GPC5: variants seen among roughly 807,000 people sequenced by gnomAD.
GPC5 encodes the protein glypican 5.
Under a neutral mutation model 53.9 loss-of-function variants are expected in GPC5, and 47 were observed. That is an observed-to-expected ratio of 0.87 (90% CI 0.69 to 1.11). The LOEUF (loss-of-function observed/expected upper bound fraction) is 1.11. Ranked by LOEUF, GPC5 falls within the 50% of genes most tolerant of loss-of-function variation. The probability of loss-of-function intolerance (pLI) is 0.00; values close to 1 mark genes in which losing one functional copy is unlikely to be tolerated. For synonymous variants in GPC5, 286 were observed against 263.3 expected (o/e 1.09, Z -0.84); for missense variants, 748 against 713.1 (o/e 1.05, Z -0.56).
At chr13:92,782,926 G>A (rs1390380342) in intron 7 of GPC5, among the ~76,000 whole-genome samples, 1 of 152,136 alleles carries the variant, frequency 6.6e-6, no homozygotes, top group Non-Finnish European at 1.5e-5. Flanking sequence ...TTTACAAAGA[G>A]TGGAAAATAG....
intron 7 of GPC5, among the ~76,000 whole-genome samples, chr13:92,413,570 T>C (rs1274320785): frequency 2.0e-5 from 3 of 152,154 alleles, no homozygotes; most frequent in African/African-American, 7.2e-5. Flanking sequence ...ATTGGTGGAA[T>C]GGGTGAGGGA....
chr13:91,472,975 T>C (rs967535876), intron 2 of GPC5, among the ~76,000 whole-genome samples: 1 of 152,070 alleles, frequency 6.6e-6, no homozygotes, highest in African/African-American at 2.4e-5. Context: ...CAAGACTGGG[T>C]AATTTATAAA....
chr13:91,508,788 A>T (rs1056624410), intron 2 of GPC5, among the ~76,000 whole-genome samples: 8 of 152,100 alleles, frequency 5.3e-5, no homozygotes, highest in African/African-American at 1.4e-4. Context: ...AATGTAAAAA[A>T]CTCTATGTCA....
intron 6 of GPC5, among the ~76,000 whole-genome samples, chr13:92,078,917 TAC>T (rs2041273491): frequency 6.6e-6 from 1 of 152,178 alleles, no homozygotes; most frequent in Non-Finnish European, 1.5e-5. Flanking sequence ...TTTTTGTCAA[TAC>T]ACAAACACCT....
chr13:92,410,286 G>A (rs1202056649), intron 7 of GPC5, among the ~76,000 whole-genome samples: 1 of 152,172 alleles, frequency 6.6e-6, no homozygotes, highest in Non-Finnish European at 1.5e-5. Flanking sequence ...CAGGGGCACA[G>A]ATGACAGTTG....
rs547597180 is a variant in GPC5, at chr13:92,298,293, G to A, written c.1561+153304G>A. On this transcript the variant is annotated intron_variant, in intron 7 of 7. Transcript: ENST00000377067. ...TACGGCTTTCCTCCTTCCCCTGACT[G>A]TGGATTCTGCACGCCAGATTCATGC... 5.9e-5 allele frequency among the ~76,000 whole-genome samples: 9 copies of A among 152,252 alleles called. No individual in the cohort carries two copies. In the South Asian group the frequency reaches 1.9e-3, roughly 32 times the overall value.
chr13:92,824,137 T>C (rs1877765548), intron 7 of GPC5, among the ~76,000 whole-genome samples: 1 of 152,090 alleles, frequency 6.6e-6, no homozygotes. Flanking sequence ...CTTCATTTGC[T>C]TCCTGAAAAC....
At chr13:91,823,675 T>G (rs1477276948) in intron 5 of GPC5, among the ~76,000 whole-genome samples, 1 of 152,094 alleles carries the variant, frequency 6.6e-6, no homozygotes, top group Admixed American at 6.6e-5. Context: ...CTCTTAAAAA[T>G]TATGACCCAA....
chr13:91,966,146 A>G (rs1040217250), intron 6 of GPC5, among the ~76,000 whole-genome samples: 15 of 152,182 alleles, frequency 9.9e-5, no homozygotes, highest in African/African-American at 3.6e-4. Flanking sequence ...GCTCAGCAAT[A>G]TGTTACCAGA....
chr13:92,667,839 A>T (rs994486589), intron 7 of GPC5, among the ~76,000 whole-genome samples: 2 of 152,186 alleles, frequency 1.3e-5, no homozygotes, highest in Non-Finnish European at 2.9e-5. Context: ...TTTACCTAAA[A>T]GCCAGTTCAT....
intron 2 of GPC5, among the ~76,000 whole-genome samples, chr13:91,669,804 T>C (rs2035202435): frequency 6.6e-6 from 1 of 152,190 alleles, no homozygotes; most frequent in African/African-American, 2.4e-5. Context: ...AGGCTCAAAA[T>C]TCTATAGTTA....
At chr13:92,361,762 C>G (rs1170965862) in intron 7 of GPC5, among the ~76,000 whole-genome samples, 1 of 151,634 alleles carries the variant, frequency 6.6e-6, no homozygotes, top group Non-Finnish European at 1.5e-5. Flanking sequence ...AGCCAAATAT[C>G]TGGCTCAAGA....
intron 7 of GPC5, among the ~76,000 whole-genome samples, chr13:92,350,715 A>G (rs146563717): frequency 3.0e-4 from 45 of 152,334 alleles, no homozygotes; most frequent in African/African-American, 9.1e-4. Flanking sequence ...GTTTGAGAGC[A>G]TAAGTATATT....
chr13:92,148,381 A>T (rs919306792), intron 7 of GPC5, among the ~76,000 whole-genome samples: 1 of 152,070 alleles, frequency 6.6e-6, no homozygotes, highest in Non-Finnish European at 1.5e-5. Flanking sequence ...CGTACCTTTT[A>T]GGTGTCATTT....
At chr13:91,890,469 A>T (rs1328243054) in intron 5 of GPC5, among the ~76,000 whole-genome samples, 1 of 152,108 alleles carries the variant, frequency 6.6e-6, no homozygotes, top group Non-Finnish European at 1.5e-5. Flanking sequence ...TGTTGGTCTG[A>T]TCTCACATTG....
At chr13:91,860,472 G>GCCTT (rs759443247) in intron 5 of GPC5, among the ~76,000 whole-genome samples, 8 of 138,670 alleles carry the variant, frequency 5.8e-5, no homozygotes, top group African/African-American at 1.6e-4. Flanking sequence ...CTTCCTTCCT[G>GCCTT]CCTTCCTTCC....
rs372426651 is a variant in GPC5 at position 92,646,929 on chromosome 13, C to CGTGTGTGTGTGTGTGTGTGT, written c.1562-219353_1562-219352insGTGTGTGTGTGTGTGTGTGT. On this transcript the variant is annotated intron_variant, in intron 7 of 7. Transcript: ENST00000377067. ...ACATATATATGTAAATATATATAAACATGTGTGTGTGTGTGTGTGTGTGTG... is the reference window on the plus strand; with the variant it reads ...ACATATATATGTAAATATATATAAACGTGTGTGTGTGTGTGTGTGTATGTGTGTGTGTGTGTGTGTGTGTG... 2.2e-5 allele frequency among the ~76,000 whole-genome samples: 3 copies of CGTGTGTGTGTGTGTGTGTGT among 135,096 alleles called. 1 individual carries two copies. In the South Asian group the frequency reaches 7.2e-4, roughly 32 times the overall value. The allele number at this position is 135,096 out of a possible 152,430, so 88.6% of individuals were successfully genotyped here. A position where few individuals can be genotyped will look rare whatever the true frequency, so the allele number is the denominator to read the frequency against.
At position 91,651,670 on chromosome 13, in the gene GPC5, A is replaced by T. The variant is rs999890735; in HGVS notation, c.326-41517A>T. ...GAGGCGGAGGTTGCAGTGAGCCAAG[A>T]TCGTGCCATTGCACTCCAGCCTGGG... On this transcript the variant is annotated intron_variant, in intron 2 of 7. Transcript: ENST00000377067. Among the ~76,000 whole-genome samples the T allele has an allele frequency of 3.3e-5, 5 of 150,588 alleles. No individual in the cohort carries two copies. The Admixed American group carries it at 3.4e-4, about 10-fold the overall frequency.
At chr13:91,799,860 AT>A (rs1238354751) in intron 5 of GPC5, among the ~76,000 whole-genome samples, 2 of 152,180 alleles carry the variant, frequency 1.3e-5, no homozygotes, top group African/African-American at 4.8e-5. Flanking sequence ...CATGAATATT[AT>A]TGCTACCATA....
Sources: allele counts gnomAD v4.1 joint callset (sites outside exome capture counted in the v4.1 genomes callset), GRCh38; gene constraint gnomAD v4.1.1; transcripts MANE v1.5; gene names NCBI Gene and HGNC (gene_info 2026-07-23, HGNC 2026-07-21).